The following ADCY2 variants were observed in gnomAD, a reference collection of about 807,000 sequenced individuals.
The protein encoded by ADCY2 is adenylate cyclase 2.
In ADCY2, 31 loss-of-function variants were observed where a neutral mutation model predicts 125.2. The observed-to-expected ratio is 0.25, with a 90% CI of 0.19 to 0.33. The LOEUF (loss-of-function observed/expected upper bound fraction) is 0.33, where lower values mean the gene tolerates loss of function less well. Ranked by LOEUF, ADCY2 falls within the 10% of genes least tolerant of loss-of-function variation. The pLI is 1.00. For missense variants in ADCY2, 904 were observed against 1,418.2 expected (o/e 0.64, Z 5.82); for synonymous variants, 512 against 548.4 (o/e 0.93, Z 0.93).
chr5:7,693,181 A>G (rs1223253851), intron 5 of ADCY2, among the ~76,000 whole-genome samples: 2 of 152,040 alleles, frequency 1.3e-5, no homozygotes, highest in African/African-American at 2.4e-5. Flanking sequence ...GTCCACTTCT[A>G]TTTCAGCACA....
chr5:7,514,879 C>A (rs1420470390), intron 2 of ADCY2, among the ~76,000 whole-genome samples: 1 of 152,192 alleles, frequency 6.6e-6, no homozygotes, highest in Non-Finnish European at 1.5e-5. Flanking sequence ...GAGGAACAAA[C>A]CCTGCTGACA....
intron 3 of ADCY2, among the ~76,000 whole-genome samples, chr5:7,551,859 C>G (rs1735354314): frequency 6.6e-6 from 1 of 152,172 alleles, no homozygotes; most frequent in African/African-American, 2.4e-5. Flanking sequence ...ACAGAGGTCA[C>G]AGATGCCTTT....
rs543786451 is a variant in ADCY2, at chr5:7,580,252, T to C, written c.571-45915T>C. ...AACCTTTACATGTATGCCCTGAATC[T>C]AAAATAAAGTTAACATTACTTTTTA... is the stretch of plus-strand genomic sequence containing the variant. On this transcript the variant is annotated intron_variant, in intron 3 of 24. Coordinates refer to ENST00000338316, the MANE Select transcript of ADCY2 (RefSeq NM_020546.3). 2.6e-5 allele frequency among the ~76,000 whole-genome samples: 4 copies of C among 152,252 alleles called. No homozygotes were observed. The South Asian group carries it at 8.3e-4, about 32-fold the overall frequency.
At chr5:7,560,682 A>G (rs1579574265) in intron 3 of ADCY2, among the ~76,000 whole-genome samples, 1 of 151,622 alleles carries the variant, frequency 6.6e-6, no homozygotes, top group South Asian at 2.1e-4. Flanking sequence ...AAGTCTGTCC[A>G]AATTCACTAA....
intron 2 of ADCY2, among the ~76,000 whole-genome samples, chr5:7,476,467 G>C (rs1293273776): frequency 6.6e-6 from 1 of 152,194 alleles, no homozygotes; most frequent in Non-Finnish European, 1.5e-5. Flanking sequence ...ACTCCTCAGG[G>C]ACTCAGGAAG....
chr5:7,558,199 C>T (rs1735594874), intron 3 of ADCY2, among the ~76,000 whole-genome samples: 1 of 151,960 alleles, frequency 6.6e-6, no homozygotes, highest in African/African-American at 2.4e-5. Flanking sequence ...GTTACAGGTG[C>T]ACGCCACCAC....
intron 2 of ADCY2, among the ~76,000 whole-genome samples, chr5:7,496,732 A>C (rs963931645): frequency 6.6e-6 from 1 of 152,188 alleles, no homozygotes; most frequent in Non-Finnish European, 1.5e-5. Context: ...ACTAGCATTA[A>C]TGGAGGGATT....
chr5:7,803,970 C>T (rs1029286641), intron 21 of ADCY2, among the ~76,000 whole-genome samples: 3 of 144,488 alleles, frequency 2.1e-5, no homozygotes, highest in Non-Finnish European at 4.5e-5. Context: ...ACATGTATAT[C>T]GTATGGCTCC....
intron 14 of ADCY2, 130 bp from the exon 15 acceptor site, chr5:7,743,538 C>T: frequency 1.3e-6 from 1 of 792,416 alleles, no homozygotes. Context: ...ATTTTTATTT[C>T]TCAAAAATTT....
At chr5:7,760,481 G>T (rs1743159606) in intron 16 of ADCY2, among the ~76,000 whole-genome samples, 1 of 152,178 alleles carries the variant, frequency 6.6e-6, no homozygotes, top group South Asian at 2.1e-4. Context: ...CCGCCTCCTG[G>T]CCCGTCAGGA....
chr5:7,451,769 AT>A (rs1020011673), intron 2 of ADCY2, among the ~76,000 whole-genome samples: 9 of 151,778 alleles, frequency 5.9e-5, no homozygotes, highest in Non-Finnish European at 7.4e-5. Context: ...ATCCTTTTAA[AT>A]TTTTTTTTAT....
At chr5:7,517,359 A>T (rs996666359) in intron 2 of ADCY2, among the ~76,000 whole-genome samples, 2 of 152,188 alleles carry the variant, frequency 1.3e-5, no homozygotes, top group Non-Finnish European at 2.9e-5. Context: ...ATAGCATTCG[A>T]CTATCTGGAG....
At chr5:7,511,304 G>A (rs1330501288) in intron 2 of ADCY2, among the ~76,000 whole-genome samples, 9 of 152,146 alleles carry the variant, frequency 5.9e-5, no homozygotes, top group Non-Finnish European at 1.0e-4. Context: ...GGCCAGGGGC[G>A]GTGCCTCACG....
chr5:7,741,667 A>G lies in ADCY2; in HGVS notation c.1872-2001A>G, dbSNP rs55871359. Among the ~76,000 whole-genome samples the G allele has an allele frequency of 5.8e-5, 4 of 69,052 alleles. No homozygotes were observed. In the South Asian group the frequency reaches 2.0e-3, roughly 34 times the overall value. The allele number at this position is 69,052 out of a possible 152,430, so 45.3% of individuals were successfully genotyped here. ...CATCACCATCCTCATTATCATCATC[A>G]TCATCATCACCATCACCGTCACCAT... On this transcript the variant is annotated intron_variant, in intron 14 of 24. Transcript: ENST00000338316.
intron 2 of ADCY2, among the ~76,000 whole-genome samples, chr5:7,465,502 G>A (rs1024321399): frequency 2.6e-5 from 4 of 152,164 alleles, no homozygotes; most frequent in Admixed American, 6.5e-5. Flanking sequence ...TTTGATTCAC[G>A]GCGTGTGCAC....
intron 3 of ADCY2, among the ~76,000 whole-genome samples, chr5:7,551,589 A>G (rs768728007): frequency 6.6e-6 from 1 of 152,172 alleles, no homozygotes; most frequent in East Asian, 1.9e-4. Flanking sequence ...ACTTATTCCA[A>G]ATATTTAGGA....
intron 3 of ADCY2, among the ~76,000 whole-genome samples, chr5:7,527,281 C>T (rs1332370957): frequency 1.3e-5 from 2 of 152,116 alleles, no homozygotes; most frequent in Admixed American, 6.5e-5. Flanking sequence ...AAAGCTTGTG[C>T]GTGTTTAGTG....
chr5:7,480,310 A>T (rs2126471405), intron 2 of ADCY2, among the ~76,000 whole-genome samples: 1 of 152,334 alleles, frequency 6.6e-6, no homozygotes, highest in East Asian at 1.9e-4. Flanking sequence ...TGGAGTATTC[A>T]TTGCATCACT....
intron 4 of ADCY2, among the ~76,000 whole-genome samples, chr5:7,639,309 G>A (rs180791185): frequency 6.2e-4 from 95 of 152,142 alleles, no homozygotes; most frequent in Middle Eastern, 6.8e-3. Context: ...TTGCTCTCTC[G>A]CTGAGCAACC....
Sources: gnomAD v4.1 joint callset for allele counts (sites outside exome capture counted in the v4.1 genomes callset) on GRCh38, gnomAD v4.1.1 for gene constraint, MANE v1.5 for transcripts, NCBI Gene and HGNC (gene_info 2026-07-23, HGNC 2026-07-21) for gene names.